The following LAMA1 variants were observed in gnomAD, a reference collection of about 807,000 sequenced individuals.
LAMA1 encodes laminin subunit alpha 1.
LAMA1 carries 219 observed loss-of-function variants against 348.7 expected under a neutral mutation model. The observed-to-expected ratio is 0.63, with a 90% CI of 0.56 to 0.70. The LOEUF is 0.70. Among genes scored for constraint, LAMA1 ranks in the 30% least tolerant of loss-of-function variants. The pLI is 0.00. For synonymous variants in LAMA1, 1,487 were observed against 1,491.0 expected (o/e 1.00, Z 0.06); for missense variants, 3,744 against 3,888.0 (o/e 0.96, Z 0.99).
intron 1 of LAMA1, among the ~76,000 whole-genome samples, chr18:7,114,224 T>C (rs539791207): frequency 2.0e-4 from 31 of 152,210 alleles, no homozygotes; most frequent in African/African-American, 7.5e-4. Flanking sequence ...GTAACAGTAA[T>C]AACCATCATG....
chr18:7,066,901 A>G (rs2058124926), intron 3 of LAMA1, among the ~76,000 whole-genome samples: 1 of 152,240 alleles, frequency 6.6e-6, no homozygotes, highest in Admixed American at 6.5e-5. Flanking sequence ...ACTAAAAAAT[A>G]AACTACCGTA....
chr18:7,059,911 C>T (rs1415114387), intron 3 of LAMA1, among the ~76,000 whole-genome samples: 1 of 152,144 alleles, frequency 6.6e-6, no homozygotes, highest in African/African-American at 2.4e-5. Context: ...CGATTTTGTG[C>T]TCTGTGAGAT....
At chr18:7,050,613 T>C (rs1288678036) in intron 4 of LAMA1, 81 bp downstream of exon 4, 37 of 1,594,320 alleles carry the variant, frequency 2.3e-5, no homozygotes, top group Non-Finnish European at 2.9e-5. Context: ...GATCTTTGTA[T>C]TGAGAGAGAT....
At chr18:7,050,051 T>C (rs1288615168) in intron 4 of LAMA1, among the ~76,000 whole-genome samples, 2 of 152,134 alleles carry the variant, frequency 1.3e-5, no homozygotes, top group Non-Finnish European at 2.9e-5. Flanking sequence ...CTGAAGCAAA[T>C]TTAAAATGTT....
At chr18:7,103,142 G>T (rs1396233042) in intron 1 of LAMA1, among the ~76,000 whole-genome samples, 2 of 152,214 alleles carry the variant, frequency 1.3e-5, no homozygotes, top group African/African-American at 4.8e-5. Flanking sequence ...GGCCGGCCAG[G>T]CACGGTGGCT....
intron 1 of LAMA1, among the ~76,000 whole-genome samples, chr18:7,095,364 TAAAAC>T (rs961064920): frequency 3.9e-5 from 6 of 152,176 alleles, no homozygotes; most frequent in African/African-American, 1.4e-4. Flanking sequence ...TATTTTCTTT[TAAAAC>T]AAACTGGTAG....
At chr18:7,006,394 G>T (rs538200841) in intron 29 of LAMA1, among the ~76,000 whole-genome samples, 62 of 150,918 alleles carry the variant, frequency 4.1e-4, no homozygotes, top group Non-Finnish European at 4.9e-4. Context: ...AATGCAAGGA[G>T]AGGGCAATAC....
At chr18:7,086,391 T>C (rs541224010) in intron 1 of LAMA1, among the ~76,000 whole-genome samples, 3 of 152,352 alleles carry the variant, frequency 2.0e-5, no homozygotes, top group East Asian at 1.9e-4. Context: ...CTCCTCTCCA[T>C]GCTCTTTAGA....
At chr18:7,044,662 T>C in intron 7 of LAMA1, 60 bp downstream of exon 7, 1 of 1,305,376 alleles carries the variant, frequency 7.7e-7, no homozygotes, top group South Asian at 1.2e-5. Context: ...TAAGACACCA[T>C]AAACTTGGGA....
chr18:7,056,978 T>A (rs533472635), intron 3 of LAMA1, among the ~76,000 whole-genome samples: 7 of 152,142 alleles, frequency 4.6e-5, no homozygotes, highest in Admixed American at 1.3e-4. Flanking sequence ...TTCAAGTGAT[T>A]CTCCTGCCTC....
At chr18:7,043,893 C>T (rs1258382032) in intron 7 of LAMA1, among the ~76,000 whole-genome samples, 6 of 152,152 alleles carry the variant, frequency 3.9e-5, no homozygotes, top group Non-Finnish European at 8.8e-5. Flanking sequence ...CCATGGCACA[C>T]GCCTGTAATC....
In LAMA1 at chr18:7,016,685, G is replaced by C. The variant is rs185918750; in HGVS notation, c.2809-14C>G. ...ATAATAGCCATGCTGTTTCACCAAA[G>C]GGGGAGAAAGTGGAAACCAACATAC... On this transcript the variant is annotated splice_polypyrimidine_tract_variant and intron_variant, in intron 20 of 62. Coordinates refer to ENST00000389658, the MANE Select transcript of LAMA1 (RefSeq NM_005559.4). 68 of 1,606,070 alleles carry C rather than the reference G, an allele frequency of 4.2e-5. 1 individual carries two copies. In the African/African-American group the frequency reaches 4.7e-4, roughly 11 times the overall value.
intron 3 of LAMA1, among the ~76,000 whole-genome samples, chr18:7,074,967 C>CAAAATAAAAAAAAAAAAAAAAA (rs2058161044): frequency 1.9e-5 from 1 of 52,258 alleles, no homozygotes; most frequent in Non-Finnish European, 3.3e-5. Context: ...TACATAGAGG[C>CAAAATAAAAAAAAAAAAAAAAA]AAAAAAAAAA....
At chr18:7,057,471 C>CTTTTTTTTTTTTTTTTTTTTTTT (rs552843703) in intron 3 of LAMA1, among the ~76,000 whole-genome samples, 37 of 90,792 alleles carry the variant, frequency 4.1e-4, no homozygotes, top group Non-Finnish European at 7.6e-4. Flanking sequence ...CTTTTCTTTT[C>CTTTTTTTTTTTTTTTTTTTTTTT]TTTTTTTTTT....
chr18:6,968,474 G>C (rs181396360), intron 48 of LAMA1, among the ~76,000 whole-genome samples: 2 of 152,310 alleles, frequency 1.3e-5, no homozygotes, highest in Non-Finnish European at 2.9e-5. Context: ...TACGCCATGA[G>C]ATGTCTGAGG....
chr18:7,026,982 T>C (rs1325383285), intron 16 of LAMA1, among the ~76,000 whole-genome samples: 2 of 128,832 alleles, frequency 1.6e-5, no homozygotes, highest in African/African-American at 6.2e-5. Flanking sequence ...AGACTCCGTC[T>C]CAAAAAAAAA....
At chr18:6,968,244 G>A (rs765625789) in intron 48 of LAMA1, among the ~76,000 whole-genome samples, 1 of 152,168 alleles carries the variant, frequency 6.6e-6, no homozygotes, top group African/African-American at 2.4e-5. Context: ...CCTCCCCAGC[G>A]CTCAGCCCCG....
intron 1 of LAMA1, among the ~76,000 whole-genome samples, chr18:7,096,880 TTGGGTAAGA>T (rs2058263364): frequency 6.6e-6 from 1 of 152,204 alleles, no homozygotes; most frequent in South Asian, 2.1e-4. Context: ...TGCTAGAGTT[TTGGGTAAGA>T]TGCGTGGAAG....
At chr18:7,040,374 C>A (rs1339092409) in intron 9 of LAMA1, 138 bp from the exon 10 acceptor site, 4 of 804,122 alleles carry the variant, frequency 5.0e-6, no homozygotes, top group Non-Finnish European at 8.6e-6. Flanking sequence ...TGCAGCTGCT[C>A]AGCTCAGCCA....
Sources: gnomAD v4.1 joint callset for allele counts (sites outside exome capture counted in the v4.1 genomes callset) on GRCh38, gnomAD v4.1.1 for gene constraint, MANE v1.5 for transcripts, NCBI Gene and HGNC (gene_info 2026-07-23, HGNC 2026-07-21) for gene names.